Variants in ATXN1 observed in about 807,000 individuals in gnomAD.
The protein encoded by ATXN1 is ataxin-1.
Under a neutral mutation model 56.4 loss-of-function variants are expected in ATXN1, and 8 were observed. The observed-to-expected ratio is 0.14, with a 90% CI of 0.08 to 0.26. The LOEUF is 0.26. Among genes scored for constraint, ATXN1 ranks in the 10% least tolerant of loss-of-function variants. The pLI, the probability that ATXN1 is intolerant of heterozygous loss-of-function variation, is 1.00. For missense variants in ATXN1, 987 were observed against 1,106.5 expected, an observed-to-expected ratio of 0.89 and a Z score of 1.53; for synonymous variants, 514 against 494.6, an observed-to-expected ratio of 1.04 and a Z score of -0.52.
intron 4 of ATXN1, among the ~76,000 whole-genome samples, chr6:16,531,904 T>A (rs1248190344): frequency 6.6e-6 from 1 of 152,230 alleles, no homozygotes. Context: ...CTACATTATA[T>A]ATACGGTTCT....
chr6:16,404,847 C>T (rs1209892008), intron 6 of ATXN1, among the ~76,000 whole-genome samples: 2 of 152,088 alleles, frequency 1.3e-5, no homozygotes, highest in Non-Finnish European at 2.9e-5. Flanking sequence ...GGAGAGGGTC[C>T]CACCCCCACC....
chr6:16,740,291 G>A (rs528329304), intron 2 of ATXN1, among the ~76,000 whole-genome samples: 2 of 152,222 alleles, frequency 1.3e-5, no homozygotes, highest in African/African-American at 4.8e-5. Flanking sequence ...TAATTATTGG[G>A]GAAGTAACTC....
chr6:16,420,329 A>T (rs2237210), intron 6 of ATXN1, among the ~76,000 whole-genome samples: 21,853 of 152,208 alleles, frequency 0.14, 1,794 homozygotes, highest in East Asian at 0.32. Context: ...CAGGATGCCA[A>T]CTTTCTAAAT....
intron 2 of ATXN1, among the ~76,000 whole-genome samples, chr6:16,711,624 ATTGT>A (rs1360907747): frequency 2.0e-5 from 3 of 150,600 alleles, no homozygotes; most frequent in African/African-American, 7.3e-5. Flanking sequence ...ATAGATATAG[ATTGT>A]TTGTTTTGCG....
intron 3 of ATXN1, among the ~76,000 whole-genome samples, chr6:16,595,032 T>C (rs576170336): frequency 9.9e-5 from 15 of 152,250 alleles, no homozygotes; most frequent in African/African-American, 3.1e-4. Flanking sequence ...ATACCAAAAG[T>C]GTCCAAAAAT....
chr6:16,725,292 G>A (rs911981513), intron 2 of ATXN1, among the ~76,000 whole-genome samples: 9 of 152,118 alleles, frequency 5.9e-5, no homozygotes, highest in East Asian at 3.9e-4. Context: ...TTATTACTCC[G>A]ATACTGCGTG....
intron 6 of ATXN1, among the ~76,000 whole-genome samples, chr6:16,413,574 C>T (rs145335207): frequency 4.3e-4 from 66 of 152,166 alleles, no homozygotes; most frequent in African/African-American, 1.4e-3. Flanking sequence ...GAATGTGAAT[C>T]AATGGGTGGG....
rs1760807163 is a variant in ATXN1 at position 16,326,437 on chromosome 6, C to A, written c.1874G>T (p.Gly625Val). ...VERIEDSHSP[G>V]VAVIQFAVGE... The stretch of plus-strand genomic sequence containing the variant: ...GACGGCGAACTGTATCACGGCCACG[C>A]CCGGGCTATGGCTGTCTTCAATCCT... Residue 625 changes from glycine (G) to valine (V), a missense_variant, in exon 7 of 8, where the codon GGC (glycine) becomes GTC (valine). Gly to Val is a moderately radical substitution (Grantham distance 109). Coordinates refer to ENST00000436367, the MANE Select transcript of ATXN1 (RefSeq NM_001128164.2). This position sits in a 1 kb window ranked among gnomAD's most constrained non-coding sequence, Gnocchi z 6.6. 1.2e-6 allele frequency: 2 copies of A among 1,614,082 alleles called. No individual in the cohort carries two copies. Among genetic ancestry groups the A allele is most frequent in the Non-Finnish European group, 1.7e-6 (2 of 1,179,978 alleles).
chr6:16,367,386 A>G (rs1761946407), intron 6 of ATXN1, among the ~76,000 whole-genome samples: 1 of 142,132 alleles, frequency 7.0e-6, no homozygotes, highest in African/African-American at 2.6e-5. Flanking sequence ...ACACACACAC[A>G]TACAGACACA....
chr6:16,633,850 C>T (rs747826969), intron 3 of ATXN1, among the ~76,000 whole-genome samples: 4 of 152,176 alleles, frequency 2.6e-5, no homozygotes, highest in African/African-American at 4.8e-5. Flanking sequence ...AGGACATTTA[C>T]GCTTGCACCT....
At chr6:16,397,206 C>T (rs1758475066) in intron 6 of ATXN1, among the ~76,000 whole-genome samples, 1 of 152,156 alleles carries the variant, frequency 6.6e-6, no homozygotes, top group South Asian at 2.1e-4. Flanking sequence ...TCAGTAAATG[C>T]TACAAATCAA....
intron 6 of ATXN1, among the ~76,000 whole-genome samples, chr6:16,377,629 G>T (rs1408008693): frequency 6.6e-6 from 1 of 152,034 alleles, no homozygotes; most frequent in Admixed American, 6.5e-5. Flanking sequence ...GCTGAATGGT[G>T]CTCTAAGAGC....
intron 6 of ATXN1, among the ~76,000 whole-genome samples, chr6:16,395,741 GGC>G (rs1758441977): frequency 6.6e-6 from 1 of 152,056 alleles, no homozygotes; most frequent in Non-Finnish European, 1.5e-5. Flanking sequence ...CTGTAGGCCG[GGC>G]GCAGTGGCTC....
chr6:16,670,249 G>A (rs1581349680), intron 2 of ATXN1, among the ~76,000 whole-genome samples: 1 of 152,024 alleles, frequency 6.6e-6, no homozygotes, highest in African/African-American at 2.4e-5. Context: ...TGGCTCTGCC[G>A]TCACTCACCC....
At chr6:16,342,879 G>A (rs945892621) in intron 6 of ATXN1, among the ~76,000 whole-genome samples, 2 of 152,218 alleles carry the variant, frequency 1.3e-5, no homozygotes, top group South Asian at 4.1e-4. Flanking sequence ...ACGGGGCAAT[G>A]GGAGTTGTTT....
intron 3 of ATXN1, among the ~76,000 whole-genome samples, chr6:16,596,989 T>G (rs1015082355): frequency 5.3e-4 from 80 of 152,330 alleles, no homozygotes; most frequent in East Asian, 1.4e-3. Flanking sequence ...ATTGGGTGTC[T>G]CGCTGGCTGT....
At chr6:16,726,070 C>A (rs1334579734) in intron 2 of ATXN1, among the ~76,000 whole-genome samples, 1 of 152,174 alleles carries the variant, frequency 6.6e-6, no homozygotes, top group Non-Finnish European at 1.5e-5. Context: ...GCTTCTTATA[C>A]CCTGTGAACT....
rs551624954 is a variant in ATXN1 at position 16,743,858 on chromosome 6, C to T, written c.-615+9375G>A. Among the ~76,000 whole-genome samples, 8 of 152,110 alleles carry T rather than the reference C, an allele frequency of 5.3e-5. No individual in the cohort carries two copies. In the South Asian group the frequency reaches 6.2e-4, roughly 12 times the overall value. ...AGTATGGCACTTGAAGGAGGAAGTGCGATGGGACCGACGTGGGACGAATAC... is the reference window on the plus strand; with the variant it reads ...AGTATGGCACTTGAAGGAGGAAGTGTGATGGGACCGACGTGGGACGAATAC... On this transcript the variant is annotated intron_variant, in intron 2 of 7. Coordinates refer to ENST00000436367, the MANE Select transcript of ATXN1 (RefSeq NM_001128164.2).
At chr6:16,704,956 C>T (rs1759375197) in intron 2 of ATXN1, among the ~76,000 whole-genome samples, 1 of 152,204 alleles carries the variant, frequency 6.6e-6, no homozygotes, top group Non-Finnish European at 1.5e-5. Flanking sequence ...CACTGTAGCC[C>T]TACACCAGTG....
Sources: allele counts gnomAD v4.1 joint callset (sites outside exome capture counted in the v4.1 genomes callset), GRCh38; gene constraint gnomAD v4.1.1; non-coding constraint Gnocchi (gnomAD v3.1); transcripts MANE v1.5; gene names NCBI Gene and HGNC (gene_info 2026-07-23, HGNC 2026-07-21).